MEGF8: variants seen among roughly 807,000 people sequenced by gnomAD.
MEGF8 encodes the protein multiple epidermal growth factor-like domains protein 8.
A neutral mutation model predicts 302.9 loss-of-function variants in MEGF8; 156 were observed. The observed-to-expected ratio is 0.52, with a 90% CI of 0.45 to 0.59. The LOEUF (loss-of-function observed/expected upper bound fraction) is 0.59, where lower values mean the gene tolerates loss of function less well. MEGF8 is among the 20% of genes least tolerant of loss of function. The pLI, the probability that MEGF8 is intolerant of heterozygous loss-of-function variation, is 0.00. For missense variants in MEGF8, 3,345 were observed against 3,964.5 expected, an observed-to-expected ratio of 0.84 and a Z score of 4.20; for synonymous variants, 1,621 against 1,660.5, an observed-to-expected ratio of 0.98 and a Z score of 0.58.
intron 35 of MEGF8, among the ~76,000 whole-genome samples, chr19:42,365,514 C>T (rs981834393): frequency 6.6e-6 from 1 of 151,478 alleles, no homozygotes; most frequent in African/African-American, 2.4e-5. Flanking sequence ...GCCTGTAATC[C>T]CAACACTTCA....
Position 42,362,869 on chromosome 19 carries a change from G to A in MEGF8, c.6059-179G>A, listed in dbSNP as rs553020712. ...GGAGGGGCTGGGGGCCTGGACTCCT[G>A]GGTCTGAGGGAGGAGGGGCTGGGCA... is the stretch of plus-strand genomic sequence containing the variant. On this transcript the variant is annotated intron_variant, in intron 34 of 41. Transcript: ENST00000251268. Among the ~76,000 whole-genome samples, 3 of 150,768 alleles carry A rather than the reference G, an allele frequency of 2.0e-5. No individual in the cohort carries two copies. In the East Asian group the frequency reaches 5.9e-4, roughly 30 times the overall value.
rs1289534936 is a variant in MEGF8 at position 42,350,324 on chromosome 19, G to C, written c.2676G>C (p.Val892=). 3 of 1,607,462 alleles carry C rather than the reference G, an allele frequency of 1.9e-6. No individual in the cohort carries two copies. The highest frequency in any genetic ancestry group is 3.3e-5 in the Admixed American group (2 of 59,954). The stretch of plus-strand genomic sequence containing the variant: ...ACGGGGCTGGTGGGTCCCTGCTGGT[G>C]CTGGTGCCTACCCTCTGCCCACTCT... ...GDDGAGGSLL[V]LVPTLCPLCE... The change falls in exon 15 of 42, where the codon GTG becomes GTC. Residue 892 remains valine (V), a synonymous_variant. Transcript: ENST00000251268.
At position 42,357,461 on chromosome 19, in the gene MEGF8, G is replaced by C. The variant is rs766927080; in HGVS notation, c.4888G>C (p.Gly1630Arg). The change falls in exon 28 of 42, where the codon GGC becomes CGC. Residue 1630 changes from glycine to arginine, a missense_variant. Coordinates refer to ENST00000251268, the MANE Select transcript of MEGF8 (RefSeq NM_001271938.2). This position sits in a 1 kb window ranked among gnomAD's most constrained non-coding sequence, Gnocchi z 5.2. The stretch of plus-strand genomic sequence containing the variant: ...TGGTCACACCCTTACTGCCCGCCGA[G>C]GCCTGTCTCTGCTCCTGGTGGGCGG... ...VAGHTLTARRGLSLLLVGGYS... is the reference protein window; with the variant it reads ...VAGHTLTARRRLSLLLVGGYS... The C allele has an allele frequency of 6.2e-7, 1 of 1,613,766 alleles. No individual in the cohort carries two copies. The highest frequency in any genetic ancestry group is 1.3e-5 in the African/African-American group (1 of 75,006).
chr19:42,353,856 GGTCGGGGGGC>G lies in MEGF8; in HGVS notation c.3844_3853del (p.Val1282CysfsTer54). 6.2e-7 allele frequency: 1 copy of G among 1,605,532 alleles called. No homozygotes were observed. Among genetic ancestry groups the G allele is most frequent in the Non-Finnish European group, 8.5e-7 (1 of 1,176,268 alleles). On this transcript the variant is annotated frameshift_variant, in exon 22 of 42. Transcript: ENST00000251268. LOFTEE classifies it high-confidence loss of function. This position sits in a 1 kb window ranked among gnomAD's most constrained non-coding sequence, Gnocchi z 6.1. ...CCTCAGTGGCACTGGGCTCACGCCG[GGTCGGGGGGC>G]TGCTGCCTCCAGGTGGCGGGGCTGC...
rs1600082694 is a variant in MEGF8 at position 42,375,939 on chromosome 19, G to A, written c.7702G>A (p.Glu2568Lys). ...CGCCCCAGCAGAGCCACGGGTACGG[G>A]AGGTATGGCCGCGGGGCCTGATTAC... Reference protein sequence around the residue: ...PGAPAEPRVREVWPRGLITYV... With the variant: ...PGAPAEPRVRKVWPRGLITYV... The change falls in exon 42 of 42, where the codon GAG (glutamate) becomes AAG (lysine). Residue 2568 changes from glutamate (E) to lysine (K), a missense_variant. Physicochemically the swap from Glu to Lys is moderately conservative, Grantham distance 56. Transcript: ENST00000251268. This position sits in a 1 kb window ranked among gnomAD's most constrained non-coding sequence, Gnocchi z 7.1. The A allele has an allele frequency of 1.9e-6, 3 of 1,604,564 alleles. No individual in the cohort carries two copies. Among genetic ancestry groups the A allele is most frequent in the South Asian group, 2.2e-5 (2 of 90,146 alleles).
rs2039518438 is a variant in MEGF8 at position 42,360,636 on chromosome 19, C to T, written c.5489-139C>T. The T allele has an allele frequency of 2.7e-6, 4 of 1,469,484 alleles. 1 individual carries two copies. The allele number at this position is 1,469,484 out of a possible 1,614,324, so 91.0% of individuals were successfully genotyped here. On this transcript the variant is annotated intron_variant, in intron 31 of 41. Transcript: ENST00000251268. Reference sequence around the variant, plus strand: ...TTGGGATCACAGGTGTGAGCCACCGCCCTTGGCCTTGTTTCTGCTGTCCTT... The same window carrying T: ...TTGGGATCACAGGTGTGAGCCACCGTCCTTGGCCTTGTTTCTGCTGTCCTT...
intron 30 of MEGF8, 39 bp from the exon 31 acceptor site, chr19:42,359,059 C>T (rs1302079412): frequency 6.6e-7 from 1 of 1,520,308 alleles, no homozygotes; most frequent in East Asian, 2.4e-5. Flanking sequence ...ACAGCTCTGA[C>T]AGGCTGTCCT....
rs1600082909 is a variant in MEGF8 at position 42,376,053 on chromosome 19, G to A, written c.7816G>A (p.Ala2606Thr). 6.2e-7 allele frequency: 1 copy of A among 1,604,246 alleles called. No individual in the cohort carries two copies. The highest frequency in any genetic ancestry group is 1.7e-5 in the Admixed American group (1 of 59,814). Residue 2606 changes from alanine to threonine, a missense_variant, in exon 42 of 42, where the codon GCC becomes ACC. Physicochemically the swap from Ala to Thr is moderately conservative, Grantham distance 58. Transcript: ENST00000251268. The surrounding 1 kb of genome is among the most constrained non-coding windows in gnomAD (Gnocchi z 8.2). ...CATCACCTACCCACACGAGCACCAT[G>A]CCCTCAAGTCGAGCCGCTTCTACCT... Reference protein sequence around the residue: ...LVITYPHEHHALKSSRFYLLL... With the variant: ...LVITYPHEHHTLKSSRFYLLL...
At position 42,370,214 on chromosome 19, in the gene MEGF8, C is replaced by T. The variant is rs778308144; in HGVS notation, c.6860C>T (p.Pro2287Leu). 18 of 1,613,244 alleles carry T rather than the reference C, an allele frequency of 1.1e-5. No homozygotes were observed. The highest frequency in any genetic ancestry group is 1.3e-5 in the African/African-American group (1 of 74,916). ...TKGSHCEQCL[P>L]LFVGSAVGGG... is the part of the protein sequence containing the mutation. ...GGCAGCCACTGTGAGCAGTGCCTCC[C>T]GCTGTTTGTGGGTTCAGCTGTCGGA... The change falls in exon 39 of 42, where the codon CCG (proline) becomes CTG (leucine). Residue 2287 changes from proline (P) to leucine (L), a missense_variant. Coordinates refer to ENST00000251268, the MANE Select transcript of MEGF8 (RefSeq NM_001271938.2).
chr19:42,375,410 CT>C lies in MEGF8; in HGVS notation c.7270-95del, dbSNP rs2039751384. 8.0e-7 allele frequency: 1 copy of C among 1,257,462 alleles called. No homozygotes were observed. The allele number at this position is 1,257,462 out of a possible 1,614,324, so 77.9% of individuals were successfully genotyped here. Reference sequence around the variant, plus strand: ...GGGGTGAGGCCCAGGGCAATGGCTACTTAGCAGTGGGTATAGAGTATTCGTC... The same window carrying C: ...GGGGTGAGGCCCAGGGCAATGGCTACTAGCAGTGGGTATAGAGTATTCGTC... On this transcript the variant is annotated intron_variant, in intron 41 of 41. Coordinates refer to ENST00000251268, the MANE Select transcript of MEGF8 (RefSeq NM_001271938.2). This position sits in a 1 kb window ranked among gnomAD's most constrained non-coding sequence, Gnocchi z 7.1.
intron 35 of MEGF8, among the ~76,000 whole-genome samples, chr19:42,367,523 C>G (rs749709413): frequency 1.3e-5 from 2 of 152,074 alleles, no homozygotes; most frequent in Non-Finnish European, 2.9e-5. Flanking sequence ...CTCCTGACCT[C>G]GTGATCCGCC....
Position 42,351,810 on chromosome 19 carries a change from C to G in MEGF8, c.3101+49C>G. The G allele has an allele frequency of 6.8e-7, 1 of 1,462,284 alleles. No homozygotes were observed. The highest frequency in any genetic ancestry group is 9.4e-7 in the Non-Finnish European group (1 of 1,067,390). The allele number at this position is 1,462,284 out of a possible 1,614,324, so 90.6% of individuals were successfully genotyped here. A position where few individuals can be genotyped will look rare whatever the true frequency, so the allele number is the denominator to read the frequency against. On this transcript the variant is annotated intron_variant, in intron 18 of 41. Transcript: ENST00000251268. This position sits in a 1 kb window ranked among gnomAD's most constrained non-coding sequence, Gnocchi z 5.6. ...CAGGGTGCCCGGCTGTGTCCTTCCT[C>G]CATGACCGGTCATTCTAATGGCCTC...
chr19:42,328,027 G>A (rs2039007457), intron 1 of MEGF8, among the ~76,000 whole-genome samples: 1 of 152,342 alleles, frequency 6.6e-6, no homozygotes, highest in Admixed American at 6.5e-5. Flanking sequence ...CCTGGAGGTT[G>A]CAGTGAGCCA....
Position 42,354,714 on chromosome 19 carries a change from C to T in MEGF8, c.4138C>T (p.Leu1380=), listed in dbSNP as rs770677974. The stretch of plus-strand genomic sequence containing the variant: ...GGACAGGCCCCTCACTGTTCAGGCC[C>T]TGTCTGGTACGGGGGCTAGGGGAAG... The part of the protein sequence containing the change: ...RRDRPLTVQA[L]SGLLVLHWEA... Residue 1380 remains leucine (L), a synonymous_variant, in exon 23 of 42, where the codon CTG becomes TTG. Transcript: ENST00000251268. The surrounding 1 kb of genome is among the most constrained non-coding windows in gnomAD (Gnocchi z 4.3). The T allele has an allele frequency of 6.9e-6, 11 of 1,602,752 alleles. No individual in the cohort carries two copies. Among genetic ancestry groups the T allele is most frequent in the Non-Finnish European group, 9.3e-6 (11 of 1,176,660 alleles).
At chr19:42,348,701 G>A (rs1200900257) in intron 13 of MEGF8, among the ~76,000 whole-genome samples, 1 of 152,176 alleles carries the variant, frequency 6.6e-6, no homozygotes, top group Non-Finnish European at 1.5e-5. Context: ...CCAGGTTCAA[G>A]CAATTCTTCT....
intron 12 of MEGF8, among the ~76,000 whole-genome samples, chr19:42,347,451 G>T (rs2039306652): frequency 6.6e-6 from 1 of 151,636 alleles, no homozygotes; most frequent in Non-Finnish European, 1.5e-5. Flanking sequence ...CCAAGTAGCT[G>T]GGATTACAAA....
chr19:42,360,958 C>A lies in MEGF8; in HGVS notation c.5672C>A (p.Ala1891Asp). 6.3e-7 allele frequency: 1 copy of A among 1,588,762 alleles called. No individual in the cohort carries two copies. Among genetic ancestry groups the A allele is most frequent in the Non-Finnish European group, 8.6e-7 (1 of 1,164,676 alleles). The change falls in exon 32 of 42, where the codon GCC becomes GAC. Residue 1891 changes from alanine (A) to aspartate (D), a missense_variant. Physicochemically the swap from Ala to Asp is moderately radical, Grantham distance 126. Coordinates refer to ENST00000251268, the MANE Select transcript of MEGF8 (RefSeq NM_001271938.2). ...SSPEACNQSG[A>D]CTWCHGACLS... is the part of the protein sequence containing the mutation. The stretch of plus-strand genomic sequence containing the variant: ...CCTGAAGCTTGTAACCAGTCTGGGG[C>A]CTGCACCTGGTGCCATGGGGCCTGC...
chr19:42,327,238 T>C (rs2038996634), intron 1 of MEGF8, among the ~76,000 whole-genome samples: 1 of 152,256 alleles, frequency 6.6e-6, no homozygotes, highest in Non-Finnish European at 1.5e-5. Flanking sequence ...TTTTCTTCAG[T>C]CATTCATGTG....
At position 42,333,651 on chromosome 19, in the gene MEGF8, C is replaced by T. The variant is rs377231910; in HGVS notation, c.234C>T (p.Asp78=). 6 of 1,614,020 alleles carry T rather than the reference C, an allele frequency of 3.7e-6. No individual in the cohort carries two copies. The highest frequency in any genetic ancestry group is 2.7e-5 in the African/African-American group (2 of 75,058). The stretch of plus-strand genomic sequence containing the variant: ...TCCTGCTGGACTTCCTTTTCCTGGA[C>T]ACAGAGTGCACGTATGACTACCTGT... ...HRILLDFLFL[D]TECTYDYLFV... The change falls in exon 2 of 42, where the codon GAC becomes GAT. Residue 78 remains aspartate, a synonymous_variant. Coordinates refer to ENST00000251268, the MANE Select transcript of MEGF8 (RefSeq NM_001271938.2).
Sources: allele counts gnomAD v4.1 joint callset (sites outside exome capture counted in the v4.1 genomes callset), GRCh38; gene constraint gnomAD v4.1.1; non-coding constraint Gnocchi (gnomAD v3.1); transcripts MANE v1.5; gene names NCBI Gene and HGNC (gene_info 2026-07-23, HGNC 2026-07-21).